WASHC5: variants seen among roughly 807,000 people sequenced by gnomAD.
The protein encoded by WASHC5 is WASH complex subunit 5, also known as WASH complex subunit strumpellin.
A neutral mutation model predicts 150.4 loss-of-function variants in WASHC5; 101 were observed. The ratio of observed to expected loss-of-function variants is 0.67; its 90% CI spans 0.57 to 0.79. The LOEUF (loss-of-function observed/expected upper bound fraction) is 0.79, where lower values mean the gene tolerates loss of function less well. Among genes scored for constraint, WASHC5 ranks in the 30% least tolerant of loss-of-function variants. The pLI is 0.00. For missense variants in WASHC5, 1,195 were observed against 1,396.3 expected (o/e 0.86, Z 2.30); for synonymous variants, 467 against 491.2 (o/e 0.95, Z 0.65).
Position 125,055,955 on chromosome 8 carries a change from T to C in WASHC5, c.2017-284A>G, listed in dbSNP as rs2303525. Among the ~76,000 whole-genome samples, 28,255 of 152,178 alleles carry C rather than the reference T, an allele frequency of 0.19. 3,120 individuals are homozygous for C. Among genetic ancestry groups the C allele is most frequent in the Middle Eastern group, 0.35 (102 of 294 alleles). ...AATTCAATGATCTAGATGGGCCCTT[T>C]TGGCTAGAAAAGACTATGAGACTGA... On this transcript the variant is annotated intron_variant, in intron 16 of 28. Coordinates refer to ENST00000318410, the MANE Select transcript of WASHC5 (RefSeq NM_014846.4).
intron 11 of WASHC5, 52 bp from the exon 12 acceptor site, chr8:125,061,246 T>A: frequency 2.0e-6 from 2 of 976,238 alleles, no homozygotes; most frequent in Non-Finnish European, 3.3e-6. Context: ...CCTGTAGCTG[T>A]GGCTTTGAAT....
chr8:125,039,683 T>G, intron 24 of WASHC5, 112 bp downstream of exon 24: 1 of 755,384 alleles, frequency 1.3e-6, no homozygotes. Context: ...GCCTGTAAAT[T>G]CAGACCTTCC....
At chr8:125,082,604 T>C (rs1586389373) in intron 3 of WASHC5, 137 bp from the exon 4 acceptor site, 1 of 653,894 alleles carries the variant, frequency 1.5e-6, no homozygotes, top group East Asian at 2.7e-5. Flanking sequence ...CTTCATGCTC[T>C]TAAGAATACA....
chr8:125,060,176 G>A (rs1194583968), intron 12 of WASHC5, among the ~76,000 whole-genome samples: 1 of 152,176 alleles, frequency 6.6e-6, no homozygotes. Flanking sequence ...TAGATTATGA[G>A]TAAAAATGAT....
intron 12 of WASHC5, among the ~76,000 whole-genome samples, 196 bp from the exon 13 acceptor site, chr8:125,059,738 C>T (rs569001131): frequency 6.5e-4 from 99 of 152,184 alleles, no homozygotes; most frequent in African/African-American, 2.0e-3. Flanking sequence ...GAAAATGTTC[C>T]GCTGCTTATT....
At chr8:125,059,628 A>G in intron 12 of WASHC5, 86 bp from the exon 13 acceptor site, 1 of 933,602 alleles carries the variant, frequency 1.1e-6, no homozygotes, top group Non-Finnish European at 1.7e-6. Flanking sequence ...CAAATAAAGC[A>G]CACTACTTCT....
intron 15 of WASHC5, 130 bp downstream of exon 15, chr8:125,057,426 A>C: frequency 1.4e-6 from 1 of 708,644 alleles, no homozygotes; most frequent in East Asian, 2.7e-5. Flanking sequence ...TAGGTGTTGC[A>C]AATTTCTGGA....
rs922228029 is a variant in WASHC5, at chr8:125,050,565, T to C, written c.2198A>G (p.Lys733Arg). 1.2e-6 allele frequency: 2 copies of C among 1,612,768 alleles called. No individual in the cohort carries two copies. The highest frequency in any genetic ancestry group is 1.7e-5 in the Admixed American group (1 of 59,998). ...HRGLIFNPRA[K>R]PSELMPKLKE... ...AGGCCCACTCTGGTCACTGGGTACCTTGGCTCGAGGGTTGAATATCAGTCC... is the reference window on the plus strand; with the variant it reads ...AGGCCCACTCTGGTCACTGGGTACCCTGGCTCGAGGGTTGAATATCAGTCC... Residue 733 changes from lysine (K) to arginine (R), a missense_variant and splice_region_variant, in exon 18 of 29, where the codon AAG (lysine) becomes AGG (arginine). Physicochemically the swap from Lys to Arg is conservative, Grantham distance 26. Coordinates refer to ENST00000318410, the MANE Select transcript of WASHC5 (RefSeq NM_014846.4).
chr8:125,071,023 G>A (rs1290678544), intron 9 of WASHC5, among the ~76,000 whole-genome samples: 1 of 152,254 alleles, frequency 6.6e-6, no homozygotes, highest in Non-Finnish European at 1.5e-5. Flanking sequence ...AGGCTACAGA[G>A]AAGTCTTGTG....
chr8:125,078,989 A>G, intron 5 of WASHC5, 59 bp from the exon 6 acceptor site: 2 of 1,388,100 alleles, frequency 1.4e-6, no homozygotes, highest in East Asian at 4.6e-5. Context: ...GAAACTGAAA[A>G]GTCCAATAAA....
intron 9 of WASHC5, among the ~76,000 whole-genome samples, chr8:125,068,202 C>T (rs1204576473): frequency 6.6e-6 from 1 of 152,164 alleles, no homozygotes; most frequent in Non-Finnish European, 1.5e-5. Context: ...ACTTGAATTT[C>T]ACGAAGAGCT....
chr8:125,060,480 C>T (rs149646786), intron 12 of WASHC5, among the ~76,000 whole-genome samples: 3,645 of 125,274 alleles, frequency 0.029, 160 homozygotes, highest in African/African-American at 0.12. Context: ...AACTGGATTC[C>T]GTCTCAAAAA....
At chr8:125,049,240 C>G (rs879455414) in intron 18 of WASHC5, 55 bp from the exon 19 acceptor site, 5 of 1,568,446 alleles carry the variant, frequency 3.2e-6, no homozygotes, top group East Asian at 4.5e-5. Flanking sequence ...GTCAACTATT[C>G]GTTCTAATAT....
intron 26 of WASHC5, among the ~76,000 whole-genome samples, chr8:125,034,513 A>G (rs1815640517): frequency 6.6e-6 from 1 of 152,128 alleles, no homozygotes; most frequent in Admixed American, 6.5e-5. Flanking sequence ...AGAAAAAAAA[A>G]AAGAATGGCT....
At chr8:125,048,683 C>A (rs1816149051) in intron 19 of WASHC5, among the ~76,000 whole-genome samples, 1 of 152,158 alleles carries the variant, frequency 6.6e-6, no homozygotes, top group Non-Finnish European at 1.5e-5. Flanking sequence ...CCTAGTAATT[C>A]CACTCCTCAG....
chr8:125,089,716 A>T (rs557498737), intron 1 of WASHC5, among the ~76,000 whole-genome samples: 4 of 152,236 alleles, frequency 2.6e-5, no homozygotes, highest in Middle Eastern at 3.2e-3. Context: ...CATTCGGGGA[A>T]GCTTCAGTCT....
chr8:125,055,627 G>A lies in WASHC5; in HGVS notation c.2061C>T (p.Ile687=). The change falls in exon 17 of 29, where the codon ATC becomes ATT. Residue 687 remains isoleucine, a synonymous_variant. Transcript: ENST00000318410. Reference sequence around the variant, plus strand: ...CAACCAAAGTCGTTTTCATCATTAAGATGCCTTCAGTAAAAATGGAAATAG... The same window carrying A: ...CAACCAAAGTCGTTTTCATCATTAAAATGCCTTCAGTAAAAATGGAAATAG... ...THAISIFTEG[I]LMMKTTLVGI... is the part of the protein sequence containing the mutation. 3 of 1,612,330 alleles carry A rather than the reference G, an allele frequency of 1.9e-6. No homozygotes were observed. Among genetic ancestry groups the A allele is most frequent in the Non-Finnish European group, 2.5e-6 (3 of 1,178,492 alleles).
intron 16 of WASHC5, 130 bp downstream of exon 16, chr8:125,056,547 T>C: frequency 9.5e-7 from 1 of 1,052,894 alleles, no homozygotes; most frequent in Non-Finnish European, 1.5e-6. Flanking sequence ...GCGTTTACCA[T>C]TGCAAATGTG....
intron 18 of WASHC5, among the ~76,000 whole-genome samples, chr8:125,050,326 G>A (rs957643210): frequency 4.6e-5 from 7 of 152,080 alleles, no homozygotes; most frequent in African/African-American, 1.7e-4. Context: ...AGAAGCACTG[G>A]TTTTAAAAAT....
Sources: gnomAD v4.1 joint callset for allele counts (sites outside exome capture counted in the v4.1 genomes callset) on GRCh38, gnomAD v4.1.1 for gene constraint, MANE v1.5 for transcripts, NCBI Gene and HGNC (gene_info 2026-07-23, HGNC 2026-07-21) for gene names.